Variants in ANKS1B observed in about 807,000 individuals in gnomAD.
ANKS1B encodes ankyrin repeat and sterile alpha motif domain-containing protein 1B.
A neutral mutation model predicts 148.3 loss-of-function variants in ANKS1B; 36 were observed. The observed-to-expected ratio is 0.24, with a 90% CI of 0.19 to 0.32. The LOEUF is 0.32. Among genes scored for constraint, ANKS1B ranks in the 10% least tolerant of loss-of-function variants. ANKS1B has a pLI of 1.00. For missense variants in ANKS1B, 1,157 were observed against 1,542.6 expected, an observed-to-expected ratio of 0.75 and a Z score of 4.19; for synonymous variants, 542 against 560.8, an observed-to-expected ratio of 0.97 and a Z score of 0.47.
chr12:99,470,238 G>A lies in ANKS1B; in HGVS notation c.1439-26429C>T, dbSNP rs142706797. 3.7e-3 allele frequency among the ~76,000 whole-genome samples: 564 copies of A among 151,958 alleles called. 6 individuals are homozygous for A. The highest frequency in any genetic ancestry group is 0.011 in the African/African-American group (475 of 41,422). ...TCAACATTGGTCTTATTTTCATTAT[G>A]GTATACTGTATGAGCTATGGAAATT... On this transcript the variant is annotated intron_variant, in intron 10 of 26. Coordinates refer to ENST00000683438, the MANE Select transcript of ANKS1B (RefSeq NM_001352186.2).
intron 17 of ANKS1B, among the ~76,000 whole-genome samples, chr12:98,851,863 A>C (rs1466144401): frequency 6.7e-6 from 1 of 150,306 alleles, no homozygotes; most frequent in Non-Finnish European, 1.5e-5. Flanking sequence ...ATCTCTACTA[A>C]AAATACAAAA....
chr12:99,293,127 T>C (rs2080274948), intron 12 of ANKS1B, among the ~76,000 whole-genome samples: 1 of 152,056 alleles, frequency 6.6e-6, no homozygotes, highest in South Asian at 2.1e-4. Flanking sequence ...ATAGACTGGA[T>C]TAAGAAAATA....
chr12:98,782,130 C>T lies in ANKS1B; in HGVS notation c.3350G>A (p.Cys1117Tyr). The change falls in exon 23 of 27, where the codon TGT (cysteine) becomes TAT (tyrosine). Residue 1117 changes from cysteine to tyrosine, a missense_variant. Cys to Tyr is a radical substitution (Grantham distance 194). This residue lies in a region of ANKS1B where 258 missense variants were observed against 497.0 expected (regional missense o/e 0.52). Coordinates refer to ENST00000683438, the MANE Select transcript of ANKS1B (RefSeq NM_001352186.2). Reference protein sequence around the residue: ...QDACAKMRANCQKSTEQMKKV... With the variant: ...QDACAKMRANYQKSTEQMKKV... ...TAAACATCAAGAAGAACCTACCTGACAGTTAGCCTGGTGGATTTTCCAGTT... is the reference window on the plus strand; with the variant it reads ...TAAACATCAAGAAGAACCTACCTGATAGTTAGCCTGGTGGATTTTCCAGTT... 1 of 1,599,978 alleles carries T rather than the reference C, an allele frequency of 6.3e-7. No individual in the cohort carries two copies. The highest frequency in any genetic ancestry group is 8.5e-7 in the Non-Finnish European group (1 of 1,172,654).
At chr12:98,972,928 T>A (rs567321542) in intron 17 of ANKS1B, among the ~76,000 whole-genome samples, 1 of 152,286 alleles carries the variant, frequency 6.6e-6, no homozygotes, top group Admixed American at 6.5e-5. Context: ...TGCAGACTTA[T>A]GGGATAAACT....
chr12:98,963,905 G>C (rs968384538), intron 17 of ANKS1B, among the ~76,000 whole-genome samples: 6 of 152,140 alleles, frequency 3.9e-5, no homozygotes, highest in African/African-American at 1.4e-4. Context: ...ATGGAGACCA[G>C]CCTGACCAAC....
At chr12:99,050,956 C>A (rs2099965652) in intron 17 of ANKS1B, among the ~76,000 whole-genome samples, 1 of 151,994 alleles carries the variant, frequency 6.6e-6, no homozygotes, top group South Asian at 2.1e-4. Flanking sequence ...CTCGACCTCC[C>A]AAAGTGCTGG....
intron 10 of ANKS1B, among the ~76,000 whole-genome samples, chr12:99,503,790 C>A (rs925438349): frequency 6.6e-6 from 1 of 151,914 alleles, no homozygotes; most frequent in African/African-American, 2.4e-5. Context: ...AGCCTCTCTT[C>A]AGAATTTTTC....
intron 12 of ANKS1B, among the ~76,000 whole-genome samples, chr12:99,366,266 G>A (rs537193024): frequency 6.6e-6 from 1 of 152,176 alleles, no homozygotes; most frequent in South Asian, 2.1e-4. Context: ...CCTTTTTTAT[G>A]GTTCCATTAT....
At chr12:99,564,873 T>C (rs1223468285) in intron 9 of ANKS1B, among the ~76,000 whole-genome samples, 1 of 152,176 alleles carries the variant, frequency 6.6e-6, no homozygotes, top group Non-Finnish European at 1.5e-5. Flanking sequence ...CTCTCAGACC[T>C]GAATAAATAT....
At chr12:98,963,517 T>A (rs1171500669) in intron 17 of ANKS1B, among the ~76,000 whole-genome samples, 1 of 152,158 alleles carries the variant, frequency 6.6e-6, no homozygotes, top group Non-Finnish European at 1.5e-5. Flanking sequence ...AAAATTTTTG[T>A]CAGTTGACAA....
At chr12:98,900,786 A>G (rs2099770891) in intron 17 of ANKS1B, among the ~76,000 whole-genome samples, 1 of 152,332 alleles carries the variant, frequency 6.6e-6, no homozygotes, top group African/African-American at 2.4e-5. Context: ...CATTATGCAA[A>G]GATTTATTGA....
At chr12:99,852,138 CAT>C (rs1341319540) in intron 1 of ANKS1B, among the ~76,000 whole-genome samples, 2 of 152,130 alleles carry the variant, frequency 1.3e-5, no homozygotes, top group African/African-American at 4.8e-5. Flanking sequence ...ACAATAGAAA[CAT>C]GTATAGAGTG....
At chr12:99,974,539 TCA>T (rs1166916231) in intron 1 of ANKS1B, among the ~76,000 whole-genome samples, 1 of 152,110 alleles carries the variant, frequency 6.6e-6, no homozygotes. Flanking sequence ...CTCTCATTTC[TCA>T]TGTCTCCAGT....
chr12:99,715,034 C>T (rs1045011574), intron 8 of ANKS1B, among the ~76,000 whole-genome samples: 2 of 151,508 alleles, frequency 1.3e-5, no homozygotes, highest in Non-Finnish European at 2.9e-5. Flanking sequence ...GAGGCTAAGG[C>T]AGGAGAATAG....
chr12:99,109,416 A>G, intron 15 of ANKS1B, among the ~76,000 whole-genome samples: 1 of 152,132 alleles, frequency 6.6e-6, no homozygotes, highest in East Asian at 1.9e-4. Context: ...AGAACAGGAC[A>G]TGGGCTTTGG....
intron 14 of ANKS1B, among the ~76,000 whole-genome samples, chr12:99,242,652 G>A (rs534215963): frequency 6.6e-6 from 1 of 152,212 alleles, no homozygotes; most frequent in East Asian, 1.9e-4. Flanking sequence ...ATTCTACAAG[G>A]CTACAGTAAA....
chr12:99,975,989 A>G (rs1305549037), intron 1 of ANKS1B, among the ~76,000 whole-genome samples: 2 of 152,228 alleles, frequency 1.3e-5, no homozygotes, highest in Non-Finnish European at 2.9e-5. Context: ...AATGTGGTAC[A>G]TATACACCAT....
chr12:99,908,287 T>A (rs928940977), intron 1 of ANKS1B, among the ~76,000 whole-genome samples: 8 of 152,080 alleles, frequency 5.3e-5, no homozygotes, highest in Non-Finnish European at 5.9e-5. Context: ...GCAATCATTA[T>A]CAAATTAAGA....
intron 8 of ANKS1B, among the ~76,000 whole-genome samples, chr12:99,658,651 C>A (rs1455371982): frequency 6.6e-6 from 1 of 152,182 alleles, no homozygotes; most frequent in East Asian, 1.9e-4. Flanking sequence ...TGATTTTGAG[C>A]AAATCACATA....
Sources: allele counts gnomAD v4.1 joint callset (sites outside exome capture counted in the v4.1 genomes callset), GRCh38; gene constraint gnomAD v4.1.1; regional missense constraint gnomAD v4.1.1; transcripts MANE v1.5; gene names NCBI Gene and HGNC (gene_info 2026-07-23, HGNC 2026-07-21).